FOXN3: variants seen among roughly 807,000 people sequenced by gnomAD.
The protein encoded by FOXN3 is forkhead box protein N3.
Under a neutral mutation model 38.4 loss-of-function variants are expected in FOXN3, and 7 were observed. That is an observed-to-expected ratio of 0.18 (90% CI 0.10 to 0.34). The LOEUF (loss-of-function observed/expected upper bound fraction) is 0.34, where lower values mean the gene tolerates loss of function less well. Ranked by LOEUF, FOXN3 falls within the 10% of genes least tolerant of loss-of-function variation. FOXN3 has a pLI of 1.00. For missense variants in FOXN3, 456 were observed against 613.4 expected (o/e 0.74, Z 2.71); for synonymous variants, 230 against 242.2 (o/e 0.95, Z 0.47).
intron 4 of FOXN3, among the ~76,000 whole-genome samples, chr14:89,192,696 A>G (rs1736753769): frequency 6.9e-6 from 1 of 143,960 alleles, no homozygotes; most frequent in Admixed American, 6.9e-5. Flanking sequence ...ACTACTATAT[A>G]TAATGGTTAA....
chr14:89,334,500 T>C (rs1428534526), intron 3 of FOXN3, among the ~76,000 whole-genome samples: 1 of 151,114 alleles, frequency 6.6e-6, no homozygotes, highest in Non-Finnish European at 1.5e-5. Flanking sequence ...GTCTCAGCTA[T>C]TCGAGAGGCT....
At chr14:89,238,087 T>C (rs1383069963) in intron 4 of FOXN3, among the ~76,000 whole-genome samples, 1 of 152,240 alleles carries the variant, frequency 6.6e-6, no homozygotes, top group Non-Finnish European at 1.5e-5. Context: ...CAGCACCCTC[T>C]ACCTTTAAAG....
intron 3 of FOXN3, among the ~76,000 whole-genome samples, chr14:89,303,291 A>G (rs1399968410): frequency 1.3e-5 from 2 of 151,974 alleles, no homozygotes; most frequent in African/African-American, 2.4e-5. Flanking sequence ...TCTTGAAAAT[A>G]CTGCTCCTCC....
intron 4 of FOXN3, among the ~76,000 whole-genome samples, chr14:89,204,243 G>A (rs1325538059): frequency 6.6e-6 from 1 of 152,122 alleles, no homozygotes; most frequent in Non-Finnish European, 1.5e-5. Context: ...GCTTCGGTCT[G>A]TCCACACTGA....
chr14:89,271,940 G>C (rs948541157), intron 4 of FOXN3, among the ~76,000 whole-genome samples: 1 of 152,348 alleles, frequency 6.6e-6, no homozygotes. Flanking sequence ...ACTTCGAGCA[G>C]AACAATTGCT....
At chr14:89,349,272 T>C (rs1158367798) in intron 3 of FOXN3, among the ~76,000 whole-genome samples, 1 of 152,210 alleles carries the variant, frequency 6.6e-6, no homozygotes, top group South Asian at 2.1e-4. Flanking sequence ...ATGTCTACTA[T>C]GTTGGCTGGG....
intron 1 of FOXN3, among the ~76,000 whole-genome samples, chr14:89,506,901 T>C (rs1006527881): frequency 3.3e-5 from 5 of 152,136 alleles, no homozygotes; most frequent in African/African-American, 9.7e-5. Flanking sequence ...GCAAGATGTG[T>C]TTTGTTAAAC....
At chr14:89,319,122 A>C (rs1887827699) in intron 3 of FOXN3, among the ~76,000 whole-genome samples, 1 of 152,156 alleles carries the variant, frequency 6.6e-6, no homozygotes, top group South Asian at 2.1e-4. Flanking sequence ...GACTTTGGAT[A>C]CTGGGTTGTA....
chr14:89,277,214 C>T (rs1195314351), intron 4 of FOXN3, among the ~76,000 whole-genome samples: 5 of 152,148 alleles, frequency 3.3e-5, no homozygotes, highest in Non-Finnish European at 4.4e-5. Flanking sequence ...ATAAAGAACA[C>T]GTTTCAAACA....
intron 1 of FOXN3, among the ~76,000 whole-genome samples, chr14:89,516,047 A>G (rs1894193173): frequency 6.6e-6 from 1 of 152,206 alleles, no homozygotes; most frequent in African/African-American, 2.4e-5. Context: ...GGAGGGAAAA[A>G]AGCAATTAAA....
intron 3 of FOXN3, among the ~76,000 whole-genome samples, chr14:89,344,900 C>T (rs1290281352): frequency 6.6e-6 from 1 of 152,138 alleles, no homozygotes; most frequent in Non-Finnish European, 1.5e-5. Context: ...GGGGCACAGG[C>T]AACATAAAGA....
chr14:89,476,747 C>T (rs1257594238), intron 1 of FOXN3, among the ~76,000 whole-genome samples: 6 of 152,154 alleles, frequency 3.9e-5, no homozygotes, highest in South Asian at 2.1e-4. Flanking sequence ...TGCTGAAGAC[C>T]GATGCCTGTT....
intron 2 of FOXN3, among the ~76,000 whole-genome samples, chr14:89,363,954 A>ATATATATATATAT (rs1889995401): frequency 7.6e-4 from 2 of 2,644 alleles, no homozygotes; most frequent in African/African-American, 9.7e-4. Context: ...TAAAATATAT[A>ATATATATATATAT]TATATATATA....
chr14:89,315,214 G>C (rs1478288034), intron 3 of FOXN3, among the ~76,000 whole-genome samples: 1 of 151,908 alleles, frequency 6.6e-6, no homozygotes, highest in Non-Finnish European at 1.5e-5. Flanking sequence ...ACTCATTCTA[G>C]ACTCTAAATC....
At chr14:89,488,107 GAC>G (rs1165259176) in intron 1 of FOXN3, among the ~76,000 whole-genome samples, 1 of 143,696 alleles carries the variant, frequency 7.0e-6, no homozygotes, top group Admixed American at 7.0e-5. Context: ...TTTTTTTTAA[GAC>G]AGAGTCTCTA....
At chr14:89,596,413 A>G (rs1458869392) in intron 1 of FOXN3, among the ~76,000 whole-genome samples, 3 of 152,220 alleles carry the variant, frequency 2.0e-5, no homozygotes, top group African/African-American at 7.2e-5. Flanking sequence ...CTGGGATTAC[A>G]GGCGTGAGAC....
At chr14:89,488,771 T>TA (rs758152781) in intron 1 of FOXN3, among the ~76,000 whole-genome samples, 15 of 152,054 alleles carry the variant, frequency 9.9e-5, no homozygotes, top group Non-Finnish European at 2.2e-4. Flanking sequence ...TTAAAGTAGG[T>TA]ACAAGAATCT....
chr14:89,232,275 T>A (rs1462933545), intron 4 of FOXN3, among the ~76,000 whole-genome samples: 1 of 152,214 alleles, frequency 6.6e-6, no homozygotes, highest in Non-Finnish European at 1.5e-5. Flanking sequence ...TGTCTGAAAC[T>A]TATTTAATAT....
chr14:89,478,037 G>A (rs886783093), intron 1 of FOXN3, among the ~76,000 whole-genome samples: 2 of 152,166 alleles, frequency 1.3e-5, no homozygotes, highest in Admixed American at 6.5e-5. Context: ...GCCAATGTTG[G>A]AGGTGTGGCC....
Sources: allele counts gnomAD v4.1 joint callset (sites outside exome capture counted in the v4.1 genomes callset), GRCh38; gene constraint gnomAD v4.1.1; transcripts MANE v1.5; gene names NCBI Gene and HGNC (gene_info 2026-07-23, HGNC 2026-07-21).